Variants in GRIA3 observed in about 807,000 individuals in gnomAD.
GRIA3 encodes glutamate ionotropic receptor AMPA type subunit 3.
GRIA3 carries 3 observed loss-of-function variants against 63.0 expected under a neutral mutation model. The ratio of observed to expected loss-of-function variants is 0.05; its 90% confidence interval spans 0.02 to 0.12. GRIA3 has a LOEUF of 0.12. Among genes scored for constraint, GRIA3 ranks in the 10% least tolerant of loss-of-function variants. The pLI, the probability that GRIA3 is intolerant of heterozygous loss-of-function variation, is 1.00. For missense variants in GRIA3, 347 were observed against 700.9 expected, an observed-to-expected ratio of 0.50 and a Z score of 5.70; for synonymous variants, 274 against 257.9, an observed-to-expected ratio of 1.06 and a Z score of -0.60.
intron 3 of GRIA3, among the ~76,000 whole-genome samples, chrX:123,305,239 C>A (rs781768556): frequency 9.9e-5 from 11 of 111,124 alleles, no homozygotes; most frequent in Non-Finnish European, 1.7e-4. Context: ...AACCCACACC[C>A]ACCCAAACAC....
At position 123,489,120 on chromosome X, in the gene GRIA3, T is replaced by TCACACAC. The variant is rs1319624899; in HGVS notation, c.*410_*411insCACACAC. The stretch of plus-strand genomic sequence containing the variant: ...ACACACACACACACACACACACATT[T>TCACACAC]AAATTCCAATTCAGCAAAGAGGCCC... On this transcript the variant is annotated 3_prime_UTR_variant, in exon 16 of 16. Transcript: ENST00000620443. 1 of 98,800 alleles carries TCACACAC rather than the reference T, an allele frequency of 1.0e-5. No homozygotes were observed. Among genetic ancestry groups the TCACACAC allele is most frequent in the African/African-American group, 3.9e-5 (1 of 25,322 alleles). 8.1% of individuals were successfully genotyped at this position (98,800 alleles called of 1,213,427 possible).
At chrX:123,482,056 T>A (rs1479657475) in intron 14 of GRIA3, among the ~76,000 whole-genome samples, 1 of 111,932 alleles carries the variant, frequency 8.9e-6, no homozygotes, top group East Asian at 2.8e-4. Flanking sequence ...CCTCTGACAC[T>A]CTCCTTAAAC....
intron 3 of GRIA3, among the ~76,000 whole-genome samples, chrX:123,317,480 A>G (rs977992211): frequency 8.9e-6 from 1 of 112,322 alleles, no homozygotes; most frequent in African/African-American, 3.2e-5. Context: ...CTTAGATACA[A>G]TGGAGGTACA....
chrX:123,251,298 T>C (rs1226109853), intron 2 of GRIA3, among the ~76,000 whole-genome samples: 2 of 112,296 alleles, frequency 1.8e-5, no homozygotes, highest in East Asian at 5.6e-4. Context: ...AGGATTAATT[T>C]GAGAATGGGA....
At chrX:123,443,260 G>A (rs763176054) in intron 12 of GRIA3, among the ~76,000 whole-genome samples, 3 of 111,944 alleles carry the variant, frequency 2.7e-5, no homozygotes, top group Admixed American at 9.4e-5. Flanking sequence ...AGAAATCATG[G>A]CCAAAAGCCT....
chrX:123,384,735 T>C (rs1356477285), intron 5 of GRIA3, among the ~76,000 whole-genome samples: 1 of 112,577 alleles, frequency 8.9e-6, no homozygotes, highest in Non-Finnish European at 1.9e-5. Flanking sequence ...TTGATGCATT[T>C]CTCTAATGAT....
chrX:123,190,557 C>T (rs1927404000), intron 2 of GRIA3, among the ~76,000 whole-genome samples: 2 of 111,500 alleles, frequency 1.8e-5, no homozygotes, highest in Admixed American at 1.9e-4. Context: ...ATTACCTCCC[C>T]TAGAAGGCAG....
At chrX:123,238,840 T>A (rs755639657) in intron 2 of GRIA3, among the ~76,000 whole-genome samples, 1 of 109,516 alleles carries the variant, frequency 9.1e-6, no homozygotes, top group East Asian at 2.9e-4. Context: ...TGAAGGTGGG[T>A]TCTAGGCAAC....
chrX:123,242,306 A>G (rs2044334293), intron 2 of GRIA3, among the ~76,000 whole-genome samples: 1 of 112,202 alleles, frequency 8.9e-6, no homozygotes, highest in South Asian at 3.7e-4. Flanking sequence ...TGCAAAATCA[A>G]AGAAAATGGC....
chrX:123,299,540 T>A (rs2213494), intron 3 of GRIA3, among the ~76,000 whole-genome samples: 1 of 109,777 alleles, frequency 9.1e-6, no homozygotes, highest in East Asian at 2.8e-4. Flanking sequence ...GACTGTTGTT[T>A]GTGTATAGGA....
intron 2 of GRIA3, among the ~76,000 whole-genome samples, chrX:123,197,011 T>C: frequency 8.9e-6 from 1 of 112,128 alleles, no homozygotes; most frequent in African/African-American, 3.2e-5. Context: ...ATTTGAGATA[T>C]CATGTTTCTT....
At chrX:123,196,422 A>C (rs1927577478) in intron 2 of GRIA3, among the ~76,000 whole-genome samples, 1 of 111,871 alleles carries the variant, frequency 8.9e-6, no homozygotes, top group Non-Finnish European at 1.9e-5. Flanking sequence ...CTTCCCATTA[A>C]AATAATAGCA....
rs1270871337 is a variant in GRIA3 at position 123,449,577 on chromosome X, AC to A, written c.2077-15286del. 1.2e-4 allele frequency among the ~76,000 whole-genome samples: 13 copies of A among 111,943 alleles called. 1 individual carries two copies. Among genetic ancestry groups the A allele is most frequent in the African/African-American group, 3.6e-4 (11 of 30,847 alleles). The stretch of plus-strand genomic sequence containing the variant: ...TTGCCAGACAAAACTGCAGCCAGCC[AC>A]CTTTTTTAAATCAGCATAGCACCTT... On this transcript the variant is annotated intron_variant, in intron 12 of 15. Transcript: ENST00000620443.
chrX:123,209,708 G>A (rs1272330807), intron 2 of GRIA3, among the ~76,000 whole-genome samples: 1 of 111,779 alleles, frequency 8.9e-6, no homozygotes, highest in Non-Finnish European at 1.9e-5. Flanking sequence ...GCTCCAACCA[G>A]GAGTAAATAT....
chrX:123,374,672 G>A (rs943695394), intron 5 of GRIA3, among the ~76,000 whole-genome samples: 5 of 111,606 alleles, frequency 4.5e-5, no homozygotes, highest in African/African-American at 1.3e-4. Flanking sequence ...TTGGTGTATA[G>A]GAATGCTTGT....
At chrX:123,364,108 A>G (rs958234252) in intron 5 of GRIA3, among the ~76,000 whole-genome samples, 3 of 112,489 alleles carry the variant, frequency 2.7e-5, no homozygotes, top group Non-Finnish European at 3.8e-5. Context: ...CTAGAATTCG[A>G]TAAGTTTAGT....
At chrX:123,216,865 C>T (rs759489299) in intron 2 of GRIA3, among the ~76,000 whole-genome samples, 6 of 111,712 alleles carry the variant, frequency 5.4e-5, no homozygotes, top group South Asian at 3.8e-4. Context: ...ATTAAATACA[C>T]GGACTAAACT....
intron 5 of GRIA3, among the ~76,000 whole-genome samples, chrX:123,385,556 T>C (rs1167527268): frequency 1.8e-5 from 2 of 112,340 alleles, no homozygotes; most frequent in African/African-American, 6.5e-5. Context: ...GGGAATAGCA[T>C]TGAATCTATA....
intron 11 of GRIA3, among the ~76,000 whole-genome samples, chrX:123,423,660 G>A (rs1420280586): frequency 9.0e-6 from 1 of 111,655 alleles, no homozygotes; most frequent in Non-Finnish European, 1.9e-5. Context: ...ATTAAATGGA[G>A]TATAGAAATG....
Sources: allele counts gnomAD v4.1 joint callset (sites outside exome capture counted in the v4.1 genomes callset), GRCh38; gene constraint gnomAD v4.1.1; transcripts MANE v1.5; gene names NCBI Gene and HGNC (gene_info 2026-07-23, HGNC 2026-07-21).